The following STXBP5 variants were observed in gnomAD, a reference collection of about 807,000 sequenced individuals.
STXBP5 encodes the protein syntaxin binding protein 5.
STXBP5 carries 50 observed loss-of-function variants against 152.4 expected under a neutral mutation model. The ratio of observed to expected loss-of-function variants is 0.33; its 90% CI spans 0.26 to 0.42. STXBP5 has a LOEUF of 0.42. Ranked by LOEUF, STXBP5 falls within the 10% of genes least tolerant of loss-of-function variation. The pLI is 1.00. For synonymous variants in STXBP5, 492 were observed against 494.7 expected (o/e 0.99, Z 0.07); for missense variants, 1,167 against 1,388.6 (o/e 0.84, Z 2.54).
intron 2 of STXBP5, among the ~76,000 whole-genome samples, chr6:147,221,914 T>G (rs1777481308): frequency 6.6e-6 from 1 of 152,170 alleles, no homozygotes; most frequent in African/African-American, 2.4e-5. Flanking sequence ...TGTTGTTGTC[T>G]CTCTGTTCTC....
intron 2 of STXBP5, among the ~76,000 whole-genome samples, chr6:147,211,883 C>A (rs1432634445): frequency 6.6e-6 from 1 of 152,158 alleles, no homozygotes; most frequent in Non-Finnish European, 1.5e-5. Context: ...TTCTCCCTCC[C>A]CATCATTTTT....
chr6:147,272,804 G>T (rs1159332473), intron 7 of STXBP5, among the ~76,000 whole-genome samples: 2 of 152,146 alleles, frequency 1.3e-5, no homozygotes, highest in Non-Finnish European at 2.9e-5. Flanking sequence ...GGGTGATTCA[G>T]ATGGGTAGGA....
rs190414881 is a variant in STXBP5, at chr6:147,350,576, G to A, written c.2255-2747G>A. ...TTTAGTTTTTGAAATGAACTTAAAAGGTTGAGCTTATTATAGTGGTGCATT... is the reference window on the plus strand; with the variant it reads ...TTTAGTTTTTGAAATGAACTTAAAAAGTTGAGCTTATTATAGTGGTGCATT... On this transcript the variant is annotated intron_variant, in intron 21 of 27. Coordinates refer to ENST00000321680, the MANE Select transcript of STXBP5 (RefSeq NM_001127715.4). Among the ~76,000 whole-genome samples the A allele has an allele frequency of 1.4e-4, 21 of 152,150 alleles. 1 individual carries two copies. The East Asian group carries it at 4.0e-3, about 29-fold the overall frequency.
intron 2 of STXBP5, among the ~76,000 whole-genome samples, chr6:147,230,701 G>C (rs540503015): frequency 2.0e-5 from 3 of 151,614 alleles, no homozygotes; most frequent in African/African-American, 7.2e-5. Flanking sequence ...TTGCATGTAT[G>C]CTATAAGGGT....
chr6:147,216,750 G>A (rs1777188591), intron 2 of STXBP5, among the ~76,000 whole-genome samples: 2 of 152,010 alleles, frequency 1.3e-5, no homozygotes, highest in Admixed American at 1.3e-4. Context: ...TATATTTATT[G>A]GAGCTATGAT....
intron 4 of STXBP5, among the ~76,000 whole-genome samples, chr6:147,247,382 G>A (rs1227759796): frequency 1.3e-5 from 2 of 152,170 alleles, no homozygotes; most frequent in South Asian, 4.1e-4. Context: ...GAAGATGGGG[G>A]ATCTGCTACT....
At chr6:147,267,602 G>T (rs1779955938) in intron 7 of STXBP5, among the ~76,000 whole-genome samples, 1 of 151,440 alleles carries the variant, frequency 6.6e-6, no homozygotes, top group Non-Finnish European at 1.5e-5. Context: ...TCCTTTTTTG[G>T]CATTTATTTG....
chr6:147,240,708 G>C (rs538532773), intron 4 of STXBP5, among the ~76,000 whole-genome samples: 39 of 152,284 alleles, frequency 2.6e-4, no homozygotes, highest in African/African-American at 8.7e-4. Flanking sequence ...TGAACTTAAA[G>C]TAGAGGAAGG....
intron 4 of STXBP5, among the ~76,000 whole-genome samples, chr6:147,248,396 A>G (rs145351599): frequency 2.0e-5 from 3 of 152,316 alleles, no homozygotes; most frequent in African/African-American, 7.2e-5. Flanking sequence ...ATATTACAAT[A>G]TGAGTGAATG....
intron 2 of STXBP5, among the ~76,000 whole-genome samples, chr6:147,213,477 T>TGTGTGTGCGCGCGCGCGCGCGCGCGCGC: frequency 3.0e-5 from 4 of 131,266 alleles, no homozygotes; most frequent in African/African-American, 3.2e-5. Flanking sequence ...TGTGTGTGTG[T>TGTGTGTGCGCGCGCGCGCGCGCGCGCGC]GCGCGCGCAT....
intron 9 of STXBP5, among the ~76,000 whole-genome samples, chr6:147,295,029 C>T (rs907419789): frequency 5.3e-5 from 8 of 152,284 alleles, no homozygotes; most frequent in African/African-American, 1.2e-4. Flanking sequence ...TACCTAACCT[C>T]GCTGACCTTT....
In STXBP5 at chr6:147,204,453, C is replaced by G. The variant is rs1776427575; in HGVS notation, c.-80C>G. On this transcript the variant is annotated 5_prime_UTR_variant, in exon 1 of 28. Transcript: ENST00000321680. The surrounding 1 kb of genome is among the most constrained non-coding windows in gnomAD (Gnocchi z 4.3). The stretch of plus-strand genomic sequence containing the variant: ...CCTCCGTTTCCGCGGTCGAAGCTGC[C>G]TTCGGCCCCGGGTGGTCTCCCCCGC... The G allele has an allele frequency of 6.8e-7, 1 of 1,471,432 alleles. No individual in the cohort carries two copies. The highest frequency in any genetic ancestry group is 1.2e-5 in the South Asian group (1 of 81,608). The allele number at this position is 1,471,432 out of a possible 1,614,324, so 91.1% of individuals were successfully genotyped here.
intron 2 of STXBP5, among the ~76,000 whole-genome samples, chr6:147,225,285 A>G (rs1166823826): frequency 1.3e-5 from 2 of 152,142 alleles, no homozygotes; most frequent in Non-Finnish European, 2.9e-5. Context: ...ACTTATTGTC[A>G]TTTCTAAATG....
At chr6:147,348,496 C>T (rs889921825) in intron 21 of STXBP5, among the ~76,000 whole-genome samples, 13 of 152,122 alleles carry the variant, frequency 8.5e-5, no homozygotes, top group African/African-American at 3.1e-4. Flanking sequence ...AATGGACCAA[C>T]TTCTTAAGTT....
chr6:147,335,081 A>G (rs563310521), intron 19 of STXBP5, among the ~76,000 whole-genome samples: 6 of 152,306 alleles, frequency 3.9e-5, no homozygotes, highest in African/African-American at 4.8e-5. Flanking sequence ...TTTTCCTGAT[A>G]CTAACTAGTC....
chr6:147,229,647 A>G (rs1318825554), intron 2 of STXBP5, among the ~76,000 whole-genome samples: 1 of 151,580 alleles, frequency 6.6e-6, no homozygotes, highest in East Asian at 1.9e-4. Context: ...AAGTGGAATT[A>G]TTTTCTTAAT....
intron 26 of STXBP5, among the ~76,000 whole-genome samples, chr6:147,382,010 T>C (rs964755690): frequency 6.6e-6 from 1 of 152,110 alleles, no homozygotes; most frequent in African/African-American, 2.4e-5. Context: ...GTATTCACTT[T>C]AAAGGAGCAA....
At position 147,389,195 on chromosome 6, in the gene STXBP5, A is replaced by G. The variant is rs1786478362; in HGVS notation, c.*4440A>G. The G allele has an allele frequency of 6.6e-6, 1 of 151,726 alleles. No homozygotes were observed. The highest frequency in any genetic ancestry group is 1.5e-5 in the Non-Finnish European group (1 of 67,716). The allele number at this position is 151,726 out of a possible 1,614,324, so 9.4% of individuals were successfully genotyped here. On this transcript the variant is annotated 3_prime_UTR_variant, in exon 28 of 28. Coordinates refer to ENST00000321680, the MANE Select transcript of STXBP5 (RefSeq NM_001127715.4). ...TCTGATCAATTTCTTGTAAAGTGCTATGGGAATTATTTTTCCTGTGAATAT... is the reference window on the plus strand; with the variant it reads ...TCTGATCAATTTCTTGTAAAGTGCTGTGGGAATTATTTTTCCTGTGAATAT...
chr6:147,364,829 T>G (rs756961491), intron 25 of STXBP5, among the ~76,000 whole-genome samples: 3 of 152,216 alleles, frequency 2.0e-5, no homozygotes, highest in Non-Finnish European at 2.9e-5. Flanking sequence ...TAGAGGAACT[T>G]TATAATGAAA....
Sources: allele counts gnomAD v4.1 joint callset (sites outside exome capture counted in the v4.1 genomes callset), GRCh38; gene constraint gnomAD v4.1.1; non-coding constraint Gnocchi (gnomAD v3.1); transcripts MANE v1.5; gene names NCBI Gene and HGNC (gene_info 2026-07-23, HGNC 2026-07-21).